The following CPNE4 variants were observed in gnomAD, a reference collection of about 807,000 sequenced individuals.
The protein encoded by CPNE4 is copine-4.
Under a neutral mutation model 67.9 loss-of-function variants are expected in CPNE4, and 25 were observed. The ratio of observed to expected loss-of-function variants is 0.37; its 90% CI spans 0.27 to 0.51. The LOEUF (loss-of-function observed/expected upper bound fraction) is 0.51, where lower values mean the gene tolerates loss of function less well. Among genes scored for constraint, CPNE4 ranks in the 20% least tolerant of loss-of-function variants. The pLI is 0.93. For missense variants in CPNE4, 464 were observed against 690.8 expected, an observed-to-expected ratio of 0.67 and a Z score of 3.68; for synonymous variants, 242 against 244.9, an observed-to-expected ratio of 0.99 and a Z score of 0.11.
At chr3:131,701,508 A>G (rs2081301062) in intron 3 of CPNE4, among the ~76,000 whole-genome samples, 1 of 152,208 alleles carries the variant, frequency 6.6e-6, no homozygotes, top group African/African-American at 2.4e-5. Flanking sequence ...TCACTATCTT[A>G]TATCTTATAT....
Position 131,853,905 on chromosome 3 carries a change from G to T in CPNE4, c.180+51359C>A, listed in dbSNP as rs184450951. ...GACAATATCAAATGCTGGCATGCAT[G>T]TAGAGCAACTGGAAATCTCGTTCAC... On this transcript the variant is annotated intron_variant, in intron 2 of 15. Coordinates refer to ENST00000429747, the MANE Select transcript of CPNE4 (RefSeq NM_130808.3). Among the ~76,000 whole-genome samples the T allele has an allele frequency of 3.5e-3, 527 of 151,984 alleles. 1 individual carries two copies. Among genetic ancestry groups the T allele is most frequent in the Non-Finnish European group, 6.0e-3 (406 of 67,862 alleles).
At chr3:131,654,832 C>T (rs1451189116) in intron 7 of CPNE4, among the ~76,000 whole-genome samples, 2 of 152,118 alleles carry the variant, frequency 1.3e-5, no homozygotes, top group African/African-American at 2.4e-5. Flanking sequence ...GGGGGCAGTG[C>T]CACTTGCAAC....
In CPNE4 at chr3:131,737,115, CTTTTTT is replaced by C. The variant is rs71788145; in HGVS notation, c.181-13496_181-13491del. Among the ~76,000 whole-genome samples, 288 of 49,392 alleles carry C rather than the reference CTTTTTT, an allele frequency of 5.8e-3. 3 individuals carry two copies. The highest frequency in any genetic ancestry group is 0.02 in the African/African-American group (264 of 13,086). The allele number at this position is 49,392 out of a possible 152,430, so 32.4% of individuals were successfully genotyped here. On this transcript the variant is annotated intron_variant, in intron 2 of 15. Transcript: ENST00000429747. ...TGCCTCTTTTTATGAAGTATTGTGTCTTTTTTTTTTTTTTTTTTTTTTTTTTGAGAG... is the reference window on the plus strand; with the variant it reads ...TGCCTCTTTTTATGAAGTATTGTGTCTTTTTTTTTTTTTTTTTTTTGAGAG...
intron 13 of CPNE4, 55 bp from the exon 14 acceptor site, chr3:131,550,135 T>C: frequency 2.5e-6 from 4 of 1,586,174 alleles, no homozygotes; most frequent in Non-Finnish European, 3.5e-6. Flanking sequence ...AATATATTTA[T>C]AGCCAAACAC....
At chr3:132,029,211 G>A (rs1434946109) in intron 1 of CPNE4, among the ~76,000 whole-genome samples, 1 of 152,130 alleles carries the variant, frequency 6.6e-6, no homozygotes, top group East Asian at 1.9e-4. Context: ...ACCCCAGAAA[G>A]GCCTGTCACG....
intron 14 of CPNE4, among the ~76,000 whole-genome samples, chr3:131,544,647 T>C (rs4854651): frequency 0.46 from 69,377 of 151,906 alleles, 20,132 homozygotes; most frequent in African/African-American, 0.84. Context: ...GTGATGGAGG[T>C]GGTAGGGAGG....
chr3:131,564,463 A>G, intron 10 of CPNE4, 114 bp from the exon 11 acceptor site: 1 of 893,092 alleles, frequency 1.1e-6, no homozygotes, highest in Non-Finnish European at 1.7e-6. Context: ...CACATTACAT[A>G]CCCTGCCAAT....
chr3:131,807,918 TTGAA>T (rs377393985), intron 2 of CPNE4, among the ~76,000 whole-genome samples: 2 of 152,010 alleles, frequency 1.3e-5, no homozygotes, highest in African/African-American at 4.8e-5. Context: ...TCGTTATTAG[TTGAA>T]TGAATGAATG....
chr3:131,734,746 C>T (rs539048692), intron 2 of CPNE4, among the ~76,000 whole-genome samples: 1 of 152,178 alleles, frequency 6.6e-6, no homozygotes, highest in African/African-American at 2.4e-5. Context: ...AAAAAATTAG[C>T]CAGGCATAGT....
At chr3:131,955,775 G>T (rs1289310075) in intron 1 of CPNE4, among the ~76,000 whole-genome samples, 1 of 152,132 alleles carries the variant, frequency 6.6e-6, no homozygotes, top group Non-Finnish European at 1.5e-5. Flanking sequence ...CTCTGAACTT[G>T]TACGGAAGTG....
chr3:131,552,065 A>G (rs1165371903), intron 13 of CPNE4, among the ~76,000 whole-genome samples: 3 of 2,026 alleles, frequency 1.5e-3, no homozygotes, highest in Non-Finnish European at 3.2e-3. Flanking sequence ...TGAAGTTGTG[A>G]AAAAAAAAAA....
chr3:131,964,748 T>C (rs1396190388), intron 1 of CPNE4, among the ~76,000 whole-genome samples: 1 of 152,118 alleles, frequency 6.6e-6, no homozygotes, highest in East Asian at 1.9e-4. Context: ...CTACAATTGA[T>C]TGGTGTATCT....
intron 1 of CPNE4, among the ~76,000 whole-genome samples, chr3:131,951,773 C>T (rs1013896387): frequency 1.3e-5 from 2 of 152,312 alleles, no homozygotes; most frequent in East Asian, 1.9e-4. Flanking sequence ...CTGTGTTGGC[C>T]GGGCTGGTCT....
intron 9 of CPNE4, among the ~76,000 whole-genome samples, chr3:131,580,518 CAACA>C (rs1179185398): frequency 6.6e-6 from 1 of 151,828 alleles, no homozygotes; most frequent in African/African-American, 2.4e-5. Context: ...CATGCACACA[CAACA>C]ATCATCTGGA....
chr3:131,760,714 A>C (rs1158716341), intron 2 of CPNE4, among the ~76,000 whole-genome samples: 1 of 152,160 alleles, frequency 6.6e-6, no homozygotes, highest in African/African-American at 2.4e-5. Flanking sequence ...TCTCATTTGC[A>C]CTCCATGAGT....
chr3:131,769,338 C>T (rs900962256), intron 2 of CPNE4, among the ~76,000 whole-genome samples: 8 of 152,144 alleles, frequency 5.3e-5, no homozygotes, highest in African/African-American at 1.9e-4. Flanking sequence ...CTCTGAAAAA[C>T]TATGAGACAT....
At chr3:131,757,339 G>T (rs767646597) in intron 2 of CPNE4, among the ~76,000 whole-genome samples, 6 of 152,202 alleles carry the variant, frequency 3.9e-5, no homozygotes, top group Non-Finnish European at 5.9e-5. Flanking sequence ...TGAGGAACTT[G>T]TTGGGAACTG....
At chr3:131,863,196 T>C (rs2086767669) in intron 2 of CPNE4, among the ~76,000 whole-genome samples, 1 of 152,220 alleles carries the variant, frequency 6.6e-6, no homozygotes, top group Non-Finnish European at 1.5e-5. Context: ...TATAGCAGCA[T>C]GTTTTATAAT....
At chr3:131,853,190 C>A (rs976920844) in intron 2 of CPNE4, among the ~76,000 whole-genome samples, 11 of 151,580 alleles carry the variant, frequency 7.3e-5, no homozygotes, top group African/African-American at 2.4e-4. Context: ...ATATAGTAAT[C>A]AAAAAGTGTG....
Sources: allele counts gnomAD v4.1 joint callset (sites outside exome capture counted in the v4.1 genomes callset), GRCh38; gene constraint gnomAD v4.1.1; transcripts MANE v1.5; gene names NCBI Gene and HGNC (gene_info 2026-07-23, HGNC 2026-07-21).